PMS2: variants seen among roughly 807,000 people sequenced by gnomAD.
PMS2 encodes PMS1 homolog 2, mismatch repair system component.
Under a neutral mutation model 90.0 loss-of-function variants are expected in PMS2, and 69 were observed. That is an observed-to-expected ratio of 0.77 (90% CI 0.63 to 0.94). The LOEUF (loss-of-function observed/expected upper bound fraction) is 0.94. PMS2 is among the 40% of genes least tolerant of loss of function. PMS2 has a pLI of 0.00. For missense variants in PMS2, 966 were observed against 1,040.2 expected, an observed-to-expected ratio of 0.93 and a Z score of 0.98; for synonymous variants, 332 against 375.1, an observed-to-expected ratio of 0.89 and a Z score of 1.33.
intron 7 of PMS2, among the ~76,000 whole-genome samples, chr7:5,995,893 C>T (rs1285557098): frequency 6.6e-6 from 1 of 152,172 alleles, no homozygotes; most frequent in Admixed American, 6.6e-5. Flanking sequence ...TGATGTGTTG[C>T]AGCTCTCCTT....
Position 5,995,609 on chromosome 7 carries a change from G to A in PMS2, c.828C>T (p.Cys276=), listed in dbSNP as rs757324104. ...TTGAACTCCTTCCAACTCCATGCGT[G>A]CATTGTGAAATGAAACCTGAGATGC... ...LFYISGFISQ[C]THGVGRSSTD... Residue 276 remains cysteine (C), a synonymous_variant, in exon 8 of 15, where the codon TGC becomes TGT. Transcript: ENST00000265849. 6.2e-7 allele frequency: 1 copy of A among 1,613,276 alleles called. No homozygotes were observed. The highest frequency in any genetic ancestry group is 1.3e-5 in the African/African-American group (1 of 75,016).
rs766170706 is a variant in PMS2, at chr7:5,973,289, T to C, written c.*110A>G. ...CACTTTTAAATGGGTGTGATGTGTA[T>C]TTTTTTTAAGTAGCAGGTTCATTTT... On this transcript the variant is annotated 3_prime_UTR_variant, in exon 15 of 15. Transcript: ENST00000265849. 7.7e-7 allele frequency: 1 copy of C among 1,291,412 alleles called. No individual in the cohort carries two copies. The highest frequency in any genetic ancestry group is 1.1e-6 in the Non-Finnish European group (1 of 918,648). The allele number at this position is 1,291,412 out of a possible 1,614,324, so 80.0% of individuals were successfully genotyped here.
intron 2 of PMS2, among the ~76,000 whole-genome samples, chr7:6,005,198 C>A (rs867409422): frequency 6.6e-6 from 1 of 151,200 alleles, no homozygotes; most frequent in Non-Finnish European, 1.5e-5. Context: ...AGCCACTACT[C>A]CAGCCCTATT....
chr7:5,981,354 C>T (rs1409627467), intron 12 of PMS2, among the ~76,000 whole-genome samples: 1 of 149,954 alleles, frequency 6.7e-6, no homozygotes, highest in African/African-American at 2.5e-5. Context: ...AAACGATCCT[C>T]CCACCTCAGC....
chr7:5,984,207 A>G (rs933875376), intron 11 of PMS2, among the ~76,000 whole-genome samples: 2 of 151,844 alleles, frequency 1.3e-5, no homozygotes, highest in Non-Finnish European at 2.9e-5. Context: ...AATGGTGTGT[A>G]AGAGCACCTT....
intron 4 of PMS2, among the ~76,000 whole-genome samples, 158 bp from the exon 5 acceptor site, chr7:6,002,794 A>T (rs751940375): frequency 6.6e-6 from 1 of 152,188 alleles, no homozygotes; most frequent in Admixed American, 6.6e-5. Flanking sequence ...AGTCATCATA[A>T]AATCTAAGGT....
chr7:5,987,729 C>T (rs1275087669), intron 10 of PMS2, 109 bp from the exon 11 acceptor site: 15 of 998,490 alleles, frequency 1.5e-5, no homozygotes, highest in Non-Finnish European at 2.1e-5. Context: ...ATGCTAATTA[C>T]ACAGATGAAC....
At chr7:5,993,712 T>G (rs2128764861) in intron 8 of PMS2, among the ~76,000 whole-genome samples, 1 of 150,576 alleles carries the variant, frequency 6.6e-6, no homozygotes, top group Admixed American at 6.6e-5. Flanking sequence ...AATACAAAAA[T>G]TAGCCGGGTG....
intron 1 of PMS2, among the ~76,000 whole-genome samples, chr7:6,008,793 C>G (rs1486156392): frequency 6.6e-6 from 1 of 152,148 alleles, no homozygotes; most frequent in Non-Finnish European, 1.5e-5. Flanking sequence ...GCCCAGGACC[C>G]CGAAGGAGCT....
intron 13 of PMS2, 140 bp from the exon 14 acceptor site, chr7:5,977,897 A>G (rs1781877545): frequency 7.5e-7 from 1 of 1,334,804 alleles, no homozygotes; most frequent in Non-Finnish European, 1.1e-6. Flanking sequence ...AGGCCAGCGG[A>G]TCATGAGGTC....
At position 6,002,810 on chromosome 7, in the gene PMS2, A is replaced by G. The variant is rs541918939; in HGVS notation, c.354-174T>C. On this transcript the variant is annotated intron_variant, in intron 4 of 14. Transcript: ENST00000265849. ...GTCATCATAAAATCTAAGGTTTGGC[A>G]TCTAAAAGACAGTGAGACAGAGAGC... 7.8e-4 allele frequency among the ~76,000 whole-genome samples: 119 copies of G among 152,352 alleles called. No homozygotes were observed. The highest frequency in any genetic ancestry group is 1.4e-3 in the Non-Finnish European group (97 of 68,032).
intron 12 of PMS2, among the ~76,000 whole-genome samples, chr7:5,982,494 G>A (rs534067243): frequency 2.2e-4 from 33 of 152,028 alleles, no homozygotes; most frequent in East Asian, 1.9e-3. Context: ...GTGAGCCACC[G>A]TGCCTGGCCT....
Position 5,978,654 on chromosome 7 carries a change from C to G in PMS2, c.2217G>C (p.Leu739=), listed in dbSNP as rs752718686. ...TTCTAAATATTTCCAGATTTTCTATCAGAACAGCTTCATTAACAGCAGTTA... is the reference window on the plus strand; with the variant it reads ...TTCTAAATATTTCCAGATTTTCTATGAGAACAGCTTCATTAACAGCAGTTA... The part of the protein sequence containing the change: ...LNLTAVNEAV[L]IENLEIFRKN... Residue 739 remains leucine (L), a synonymous_variant, in exon 13 of 15, where the codon CTG becomes CTC. Transcript: ENST00000265849. 1.4e-5 allele frequency: 23 copies of G among 1,602,448 alleles called. 1 individual carries two copies. The highest frequency in any genetic ancestry group is 2.0e-5 in the Non-Finnish European group (23 of 1,172,296).
intron 12 of PMS2, among the ~76,000 whole-genome samples, chr7:5,981,652 T>A (rs540149741): frequency 6.6e-6 from 1 of 151,386 alleles, no homozygotes; most frequent in East Asian, 1.9e-4. Context: ...ATACTAATAC[T>A]CCATACTATC....
At chr7:5,994,901 T>C (rs1167555327) in intron 8 of PMS2, among the ~76,000 whole-genome samples, 5 of 152,166 alleles carry the variant, frequency 3.3e-5, no homozygotes, top group Non-Finnish European at 7.3e-5. Context: ...CAAAATAACC[T>C]ATTTTATAAT....
At chr7:5,996,604 TATATATATAC>T (rs372928177) in intron 7 of PMS2, among the ~76,000 whole-genome samples, 44 of 132,464 alleles carry the variant, frequency 3.3e-4, no homozygotes, top group African/African-American at 1.3e-3. Context: ...TATATATATA[TATATATATAC>T]ACACAGATAG....
intron 8 of PMS2, among the ~76,000 whole-genome samples, chr7:5,993,420 T>C (rs1177414946): frequency 3.2e-4 from 3 of 9,282 alleles, no homozygotes; most frequent in Non-Finnish European, 4.6e-4. Flanking sequence ...AAAATATTAC[T>C]GAGGTACAAT....
chr7:6,004,479 GC>G (rs1785489485), intron 2 of PMS2: 1 of 172,164 alleles, frequency 5.8e-6, no homozygotes, highest in Admixed American at 5.8e-5. Flanking sequence ...ACTTTGGGAG[GC>G]CAAAGCGAGC....
At chr7:6,000,329 G>C (rs1205634730) in intron 5 of PMS2, among the ~76,000 whole-genome samples, 2 of 144,608 alleles carry the variant, frequency 1.4e-5, no homozygotes, top group African/African-American at 5.1e-5. Flanking sequence ...AGCTGAGATT[G>C]TGCCACTACA....
Sources: allele counts gnomAD v4.1 joint callset (sites outside exome capture counted in the v4.1 genomes callset), GRCh38; gene constraint gnomAD v4.1.1; transcripts MANE v1.5; gene names NCBI Gene and HGNC (gene_info 2026-07-23, HGNC 2026-07-21).